The following CADPS2 variants were observed in gnomAD, a reference collection of about 807,000 sequenced individuals.
CADPS2 encodes the protein calcium-dependent secretion activator 2.
Under a neutral mutation model 172.5 loss-of-function variants are expected in CADPS2, and 93 were observed. The observed-to-expected ratio is 0.54, with a 90% CI of 0.46 to 0.64. The LOEUF is 0.64. Among genes scored for constraint, CADPS2 ranks in the 30% least tolerant of loss-of-function variants. CADPS2 has a pLI of 0.00. For synonymous variants in CADPS2, 546 were observed against 555.2 expected (o/e 0.98, Z 0.23); for missense variants, 1,420 against 1,565.9 (o/e 0.91, Z 1.57).
At chr7:122,699,699 G>A (rs2085719667) in intron 2 of CADPS2, among the ~76,000 whole-genome samples, 1 of 152,144 alleles carries the variant, frequency 6.6e-6, no homozygotes, top group African/African-American at 2.4e-5. Flanking sequence ...TACATTGACT[G>A]TACAAATGTA....
At chr7:122,574,499 A>G (rs1251171991) in intron 7 of CADPS2, among the ~76,000 whole-genome samples, 3 of 148,678 alleles carry the variant, frequency 2.0e-5, no homozygotes, top group African/African-American at 4.9e-5. Context: ...GTGTTGATAC[A>G]TATGTAGAAT....
chr7:122,702,735 T>C, intron 2 of CADPS2: 3 of 1,603,564 alleles, frequency 1.9e-6, no homozygotes, highest in Non-Finnish European at 2.6e-6. Flanking sequence ...GAAGGGGTAA[T>C]TCTAAGGAAG....
chr7:122,467,057 T>G (rs2055239220), intron 14 of CADPS2, among the ~76,000 whole-genome samples: 1 of 152,198 alleles, frequency 6.6e-6, no homozygotes, highest in Non-Finnish European at 1.5e-5. Context: ...CTACAGTTTT[T>G]GATAAAATAA....
At chr7:122,565,807 T>TTAG (rs2066391567) in intron 7 of CADPS2, among the ~76,000 whole-genome samples, 1 of 152,164 alleles carries the variant, frequency 6.6e-6, no homozygotes, top group Non-Finnish European at 1.5e-5. Flanking sequence ...TAAGATATAT[T>TTAG]CTCTTAGCAA....
intron 6 of CADPS2, among the ~76,000 whole-genome samples, chr7:122,591,146 T>C (rs950807014): frequency 6.6e-6 from 1 of 152,064 alleles, no homozygotes; most frequent in Non-Finnish European, 1.5e-5. Flanking sequence ...ACTCTCAGGA[T>C]ACAAAATCAA....
At chr7:122,380,624 A>G (rs2042887570) in intron 24 of CADPS2, among the ~76,000 whole-genome samples, 1 of 152,122 alleles carries the variant, frequency 6.6e-6, no homozygotes, top group African/African-American at 2.4e-5. Context: ...TAAATAATAA[A>G]GAAAGGAAGG....
chr7:122,702,286 T>C, intron 2 of CADPS2: 1 of 1,613,884 alleles, frequency 6.2e-7, no homozygotes, highest in Non-Finnish European at 8.5e-7. Flanking sequence ...TCAGGTTGCT[T>C]ATCATCACCG....
At chr7:122,518,967 C>T (rs1395540325) in intron 8 of CADPS2, among the ~76,000 whole-genome samples, 2 of 151,686 alleles carry the variant, frequency 1.3e-5, no homozygotes, top group East Asian at 3.9e-4. Flanking sequence ...ATTTTGTTGT[C>T]ATCTTTGTCA....
chr7:122,521,140 C>T (rs1386643325), intron 8 of CADPS2, among the ~76,000 whole-genome samples: 2 of 152,094 alleles, frequency 1.3e-5, no homozygotes, highest in African/African-American at 4.8e-5. Flanking sequence ...AGAGAAACCT[C>T]AGTCAAGGTT....
At position 122,596,192 on chromosome 7, in the gene CADPS2, GAACAAA is replaced by G. The variant is rs2071747239; in HGVS notation, c.1224-14908_1224-14903del. ...AACAACTAAATGTTGAGATACCTTG[GAACAAA>G]AATGCTATACACACAGGCTTTTAAG... On this transcript the variant is annotated intron_variant, in intron 6 of 29. Transcript: ENST00000449022. Among the ~76,000 whole-genome samples the G allele has an allele frequency of 1.1e-4, 16 of 152,128 alleles. 2 individuals carry two copies. The South Asian group carries it at 3.3e-3, about 32-fold the overall frequency.
intron 2 of CADPS2, chr7:122,698,575 TTC>T: frequency 3.1e-6 from 5 of 1,614,084 alleles, no homozygotes; most frequent in Non-Finnish European, 3.4e-6. Flanking sequence ...CACTTTAATT[TTC>T]TGTGTGAAGG....
At chr7:122,815,173 T>C (rs1801011379) in intron 1 of CADPS2, among the ~76,000 whole-genome samples, 1 of 152,170 alleles carries the variant, frequency 6.6e-6, no homozygotes, top group Non-Finnish European at 1.5e-5. Context: ...AGCGTGTTAC[T>C]CCTGCACATC....
chr7:122,444,532 A>C (rs9656294), intron 15 of CADPS2, among the ~76,000 whole-genome samples: 8,628 of 152,210 alleles, frequency 0.057, 323 homozygotes, highest in Non-Finnish European at 0.062. Context: ...GTGGTATCTA[A>C]CTATGGTTTC....
chr7:122,883,883 A>G (rs1053429459), intron 1 of CADPS2, among the ~76,000 whole-genome samples: 7 of 152,152 alleles, frequency 4.6e-5, no homozygotes, highest in African/African-American at 1.7e-4. Flanking sequence ...TGTAGTTTGA[A>G]ATTATCTTTG....
Position 122,444,827 on chromosome 7 carries a change from T to C in CADPS2, c.2289-3252A>G, listed in dbSNP as rs533110414. 9.7e-4 allele frequency among the ~76,000 whole-genome samples: 147 copies of C among 152,300 alleles called. 1 individual carries two copies. The Middle Eastern group carries it at 0.01, about 11-fold the overall frequency. ...AAGTTCAATGTAACATTTTTTTCCA[T>C]TTATGAATTATGATTATGTTTTATT... On this transcript the variant is annotated intron_variant, in intron 15 of 29. Transcript: ENST00000449022.
In CADPS2 at chr7:122,527,643, TG is replaced by T. The variant is rs1563602169; in HGVS notation, c.1476-14329del. Among the ~76,000 whole-genome samples, 734 of 150,080 alleles carry T rather than the reference TG, an allele frequency of 4.9e-3. 3 individuals carry two copies. Among genetic ancestry groups the T allele is most frequent in the African/African-American group, 0.017 (702 of 40,618 alleles). ...GTGTGTGTGTGTGTGTGTGTGTGTGTGTGTGTGTGTTTCCTGCAAGTGGTGG... is the reference window on the plus strand; with the variant it reads ...GTGTGTGTGTGTGTGTGTGTGTGTGTTGTGTGTGTTTCCTGCAAGTGGTGG... On this transcript the variant is annotated intron_variant, in intron 8 of 29. Transcript: ENST00000449022.
In CADPS2 at chr7:122,621,650, G is replaced by A; in HGVS notation, c.935C>T (p.Ser312Leu). 4 of 1,613,692 alleles carry A rather than the reference G, an allele frequency of 2.5e-6. No homozygotes were observed. The highest frequency in any genetic ancestry group is 3.4e-6 in the Non-Finnish European group (4 of 1,179,670). The change falls in exon 5 of 30, where the codon TCA becomes TTA. Residue 312 changes from serine to leucine, a missense_variant. Transcript: ENST00000449022. ...ENMYIEELRS[S>L]VNLLMANLES... ...CAAATTGGCCATTAGCAAATTCACTGAAGACCGCAACTCTTCTATATACAT... is the reference window on the plus strand; with the variant it reads ...CAAATTGGCCATTAGCAAATTCACTAAAGACCGCAACTCTTCTATATACAT...
intron 25 of CADPS2, among the ~76,000 whole-genome samples, chr7:122,373,074 A>G (rs2041958333): frequency 6.6e-6 from 1 of 152,218 alleles, no homozygotes; most frequent in African/African-American, 2.4e-5. Flanking sequence ...AAAGTCACAA[A>G]TGTACAGTTA....
At chr7:122,841,244 GA>G (rs1810397360) in intron 1 of CADPS2, among the ~76,000 whole-genome samples, 1 of 152,074 alleles carries the variant, frequency 6.6e-6, no homozygotes, top group African/African-American at 2.4e-5. Flanking sequence ...AAGAAACATG[GA>G]AGAGACAAGG....
Sources: allele counts gnomAD v4.1 joint callset (sites outside exome capture counted in the v4.1 genomes callset), GRCh38; gene constraint gnomAD v4.1.1; transcripts MANE v1.5; gene names NCBI Gene and HGNC (gene_info 2026-07-23, HGNC 2026-07-21).